Variants in WDFY1 observed in about 807,000 individuals in gnomAD.
WDFY1 encodes WD repeat and FYVE domain containing 1.
Under a neutral mutation model 56.4 loss-of-function variants are expected in WDFY1, and 32 were observed. That is an observed-to-expected ratio of 0.57 (90% CI 0.43 to 0.76). The LOEUF is 0.76. WDFY1 is among the 30% of genes least tolerant of loss of function. WDFY1 has a pLI of 0.00. For missense variants in WDFY1, 480 were observed against 545.7 expected (o/e 0.88, Z 1.20); for synonymous variants, 192 against 197.3 (o/e 0.97, Z 0.23).
chr2:223,940,082 A>G (rs1689272658), intron 1 of WDFY1, among the ~76,000 whole-genome samples: 1 of 152,204 alleles, frequency 6.6e-6, no homozygotes, highest in African/African-American at 2.4e-5. Flanking sequence ...GTACTTTGGG[A>G]GGCCGAGGCG....
At chr2:223,895,995 C>CA (rs1487105639) in intron 6 of WDFY1, among the ~76,000 whole-genome samples, 5 of 150,760 alleles carry the variant, frequency 3.3e-5, no homozygotes, top group Non-Finnish European at 3.0e-5. Context: ...CCTATCTCTC[C>CA]AAAAAAACAA....
chr2:223,883,391 A>T (rs1693108784), intron 9 of WDFY1, among the ~76,000 whole-genome samples: 1 of 152,214 alleles, frequency 6.6e-6, no homozygotes, highest in Non-Finnish European at 1.5e-5. Context: ...TCTTCTGTTA[A>T]CTGTTAATAA....
intron 9 of WDFY1, 102 bp downstream of exon 9, chr2:223,884,546 G>T: frequency 9.6e-7 from 1 of 1,043,282 alleles, no homozygotes; most frequent in Non-Finnish European, 1.5e-6. Flanking sequence ...GGAATTAATA[G>T]CATTTGCAAA....
At chr2:223,903,529 C>T in intron 4 of WDFY1, among the ~76,000 whole-genome samples, 1 of 99,728 alleles carries the variant, frequency 1.0e-5, no homozygotes, top group East Asian at 2.4e-4. Context: ...TCTCAAAAAA[C>T]AAAACAAAAC....
chr2:223,911,566 CCACACACACACACACACA>C (rs58131865), intron 3 of WDFY1, among the ~76,000 whole-genome samples: 4,689 of 136,120 alleles, frequency 0.034, 264 homozygotes, highest in African/African-American at 0.12. Context: ...AGCTGAATGA[CCACACACACACACACACA>C]CACACACACA....
intron 6 of WDFY1, among the ~76,000 whole-genome samples, chr2:223,897,631 C>A (rs548264191): frequency 1.3e-5 from 2 of 152,042 alleles, no homozygotes; most frequent in East Asian, 3.9e-4. Flanking sequence ...CTGCCCAACT[C>A]AGCCTCCCAA....
chr2:223,944,802 C>G (rs958807880), intron 1 of WDFY1, among the ~76,000 whole-genome samples: 2 of 141,344 alleles, frequency 1.4e-5, no homozygotes, highest in Non-Finnish European at 3.0e-5. Context: ...GTAGGGCGCA[C>G]TGGAACAGGG....
At chr2:223,923,622 G>A (rs185184492) in intron 1 of WDFY1, among the ~76,000 whole-genome samples, 3,588 of 152,138 alleles carry the variant, frequency 0.024, 122 homozygotes, top group African/African-American at 0.081. Flanking sequence ...TTAGCCAGGC[G>A]TGGTGGCGGG....
chr2:223,889,514 G>A (rs7584917), intron 8 of WDFY1, among the ~76,000 whole-genome samples: 49,796 of 152,026 alleles, frequency 0.33, 9,311 homozygotes, highest in South Asian at 0.43. Flanking sequence ...CTGGTAGTGA[G>A]TAAGTCTCAC....
At chr2:223,880,344 T>A (rs746484748) in intron 10 of WDFY1, 112 bp from the exon 11 acceptor site, 1 of 877,314 alleles carries the variant, frequency 1.1e-6, no homozygotes, top group Non-Finnish European at 1.8e-6. Context: ...CAGTGGCTCA[T>A]GTCTGTACCC....
chr2:223,883,765 C>G (rs1378759881), intron 9 of WDFY1, among the ~76,000 whole-genome samples: 1 of 152,194 alleles, frequency 6.6e-6, no homozygotes, highest in Non-Finnish European at 1.5e-5. Context: ...CCTGCCTCAG[C>G]CTCCCGAGTA....
In WDFY1 at chr2:223,912,288, G is replaced by A. The variant is rs369373556; in HGVS notation, c.244C>T (p.Arg82Trp). 48 of 1,610,648 alleles carry A rather than the reference G, an allele frequency of 3.0e-5. No homozygotes were observed. The highest frequency in any genetic ancestry group is 8.9e-5 in the East Asian group (4 of 44,842). The part of the protein sequence containing the change: ...SAMAYHHDSR[R>W]IFVGQDNGAV... ...CCATTATCCTGGCCCACAAATATCC[G>A]TCTGCTGTCATGATGGTAAGCCATA... The change falls in exon 3 of 12, where the codon CGG (arginine) becomes TGG (tryptophan). Residue 82 changes from arginine (R) to tryptophan (W), a missense_variant. Arg to Trp is a moderately radical substitution (Grantham distance 101). Coordinates refer to ENST00000233055, the MANE Select transcript of WDFY1 (RefSeq NM_020830.5).
intron 2 of WDFY1, among the ~76,000 whole-genome samples, chr2:223,913,993 C>CTTTTTTTTTTTTTTTTTT (rs386392770): frequency 3.4e-5 from 3 of 88,152 alleles, no homozygotes; most frequent in Admixed American, 1.8e-4. Flanking sequence ...AATCAGTTAG[C>CTTTTTTTTTTTTTTTTTT]TTTTTTTTTT....
intron 1 of WDFY1, among the ~76,000 whole-genome samples, chr2:223,919,297 A>T (rs1574774702): frequency 6.6e-6 from 1 of 152,000 alleles, no homozygotes; most frequent in Admixed American, 6.6e-5. Context: ...TGCAACCGCC[A>T]CCTCCCGGGT....
At chr2:223,933,518 C>T (rs1394262001) in intron 1 of WDFY1, among the ~76,000 whole-genome samples, 1 of 152,020 alleles carries the variant, frequency 6.6e-6, no homozygotes, top group Non-Finnish European at 1.5e-5. Flanking sequence ...CTAGGCAACA[C>T]TTTCTTACAT....
At chr2:223,905,074 C>T (rs1381887730) in intron 4 of WDFY1, among the ~76,000 whole-genome samples, 1 of 152,136 alleles carries the variant, frequency 6.6e-6, no homozygotes, top group East Asian at 1.9e-4. Flanking sequence ...AAATGGTCAA[C>T]ATTAAATAAA....
intron 8 of WDFY1, among the ~76,000 whole-genome samples, chr2:223,885,817 C>T (rs893714175): frequency 1.3e-5 from 2 of 152,082 alleles, no homozygotes; most frequent in South Asian, 4.1e-4. Context: ...CCCTTCCCTT[C>T]CCAGCCACAG....
chr2:223,878,818 A>G, intron 11 of WDFY1, 88 bp from the exon 12 acceptor site: 1 of 1,485,632 alleles, frequency 6.7e-7, no homozygotes, highest in Non-Finnish European at 9.3e-7. Flanking sequence ...ACGACTGTTA[A>G]ACCTGAAAAG....
At chr2:223,928,160 T>C (rs1379638499) in intron 1 of WDFY1, among the ~76,000 whole-genome samples, 33 of 152,122 alleles carry the variant, frequency 2.2e-4, no homozygotes, top group Admixed American at 2.2e-3. Context: ...TTGCAAGAAT[T>C]ACCAAAATGT....
Sources: gnomAD v4.1 joint callset for allele counts (sites outside exome capture counted in the v4.1 genomes callset) on GRCh38, gnomAD v4.1.1 for gene constraint, MANE v1.5 for transcripts, NCBI Gene and HGNC (gene_info 2026-07-23, HGNC 2026-07-21) for gene names.